The following TEKT4 variants were observed in gnomAD, a reference collection of about 807,000 sequenced individuals.
TEKT4 encodes tektin 4, also known as tektin-4.
Under a neutral mutation model 46.0 loss-of-function variants are expected in TEKT4, and 46 were observed. The observed-to-expected ratio is 1.00, with a 90% CI of 0.79 to 1.28. The LOEUF is 1.28. Among genes scored for constraint, TEKT4 ranks in the 50% most tolerant of loss-of-function variants. The pLI is 0.00. For synonymous variants in TEKT4, 325 were observed against 265.8 expected, an observed-to-expected ratio of 1.22 and a Z score of -2.17; for missense variants, 790 against 622.9, an observed-to-expected ratio of 1.27 and a Z score of -2.85.
At chr2:94,875,798 G>T in intron 5 of TEKT4, 56 bp downstream of exon 5, 1 of 1,565,598 alleles carries the variant, frequency 6.4e-7, no homozygotes, top group East Asian at 2.3e-5. Flanking sequence ...TCCTCCCTGT[G>T]ACTCTCTCCA....
chr2:94,872,246 G>T, intron 1 of TEKT4, 169 bp downstream of exon 1: 1 of 855,368 alleles, frequency 1.2e-6, no homozygotes, highest in Non-Finnish European at 1.8e-6. Flanking sequence ...ACAGGAGGCA[G>T]CTTTGCCCCA....
chr2:94,875,440 G>A, intron 4 of TEKT4, 148 bp from the exon 5 acceptor site: 2 of 1,229,020 alleles, frequency 1.6e-6, no homozygotes, highest in Non-Finnish European at 2.3e-6. Context: ...CGTGCACATT[G>A]TTCCCCTCAT....
chr2:94,876,780 G>A lies in TEKT4; in HGVS notation c.*11G>A, dbSNP rs368905332. On this transcript the variant is annotated 3_prime_UTR_variant, in exon 6 of 6. Coordinates refer to ENST00000295201, the MANE Select transcript of TEKT4 (RefSeq NM_144705.4). ...GCTGGCTACCAGTGAGCAGCGGCAC[G>A]GTGCTTCCCCCCAGTCCCCCAAATA... is the stretch of plus-strand genomic sequence containing the variant. 319 of 1,601,930 alleles carry A rather than the reference G, an allele frequency of 2.0e-4. No homozygotes were observed. The highest frequency in any genetic ancestry group is 1.6e-3 in the African/African-American group (123 of 74,964).
At chr2:94,873,938 T>C (rs111761130) in intron 2 of TEKT4, 27 bp from the exon 3 acceptor site, 1 of 1,597,412 alleles carries the variant, frequency 6.3e-7, no homozygotes, top group Non-Finnish European at 8.5e-7. Flanking sequence ...TGGGCACACA[T>C]CAAGGCCCTG....
intron 3 of TEKT4, among the ~76,000 whole-genome samples, chr2:94,874,318 C>A (rs1274210714): frequency 2.0e-5 from 3 of 152,202 alleles, no homozygotes; most frequent in African/African-American, 7.2e-5. Context: ...GCAGACAGGA[C>A]AGAGTAGGGT....
chr2:94,875,940 G>A (rs1481808703), intron 5 of TEKT4, among the ~76,000 whole-genome samples, 198 bp downstream of exon 5: 2 of 152,208 alleles, frequency 1.3e-5, no homozygotes, highest in Non-Finnish European at 2.9e-5. Context: ...CAGGTCATGG[G>A]TCGGGGGGCT....
intron 1 of TEKT4, chr2:94,872,434 C>G (rs1573180905): frequency 5.1e-6 from 2 of 390,864 alleles, no homozygotes; most frequent in East Asian, 1.1e-4. Flanking sequence ...GCCAGCACTG[C>G]AGGTGTGGAC....
chr2:94,874,120 C>G lies in TEKT4; in HGVS notation c.713+12C>G. The G allele has an allele frequency of 6.2e-7, 1 of 1,612,642 alleles. No homozygotes were observed. The highest frequency in any genetic ancestry group is 2.2e-5 in the East Asian group (1 of 44,860). On this transcript the variant is annotated intron_variant, in intron 3 of 5. Transcript: ENST00000295201. ...ACCTTCCAAGAGAGGTGGGCCCCAGCTCTGCCCCTGCACTTGCCCTGGCTG... is the reference window on the plus strand; with the variant it reads ...ACCTTCCAAGAGAGGTGGGCCCCAGGTCTGCCCCTGCACTTGCCCTGGCTG...
intron 3 of TEKT4, 107 bp downstream of exon 3, chr2:94,874,215 C>A (rs1278016727): frequency 2.4e-6 from 3 of 1,252,606 alleles, no homozygotes; most frequent in Non-Finnish European, 2.2e-6. Context: ...GAGGCCCTCG[C>A]CCCCGAGGGC....
chr2:94,874,776 C>G lies in TEKT4; in HGVS notation c.714C>G (p.Ser238Arg). The change falls in exon 4 of 6, where the codon AGC (serine) becomes AGG (arginine). Residue 238 changes from serine to arginine, a missense_variant and splice_region_variant. Physicochemically the swap from Ser to Arg is moderately radical, Grantham distance 110. Transcript: ENST00000295201. ...AHPYSTTFQE[S>R]ASTPETRAKF... Reference sequence around the variant, plus strand: ...CTCCTGGCTGTCCCCCGCCCCGCAGCGCCTCCACCCCGGAGACCCGGGCCA... The same window carrying G: ...CTCCTGGCTGTCCCCCGCCCCGCAGGGCCTCCACCCCGGAGACCCGGGCCA... The G allele has an allele frequency of 6.4e-7, 1 of 1,570,102 alleles. No individual in the cohort carries two copies. Among genetic ancestry groups the G allele is most frequent in the Non-Finnish European group, 8.6e-7 (1 of 1,160,762 alleles).
intron 1 of TEKT4, 104 bp downstream of exon 1, chr2:94,872,181 G>A: frequency 7.1e-7 from 1 of 1,408,560 alleles, no homozygotes; most frequent in South Asian, 1.4e-5. Flanking sequence ...AAGCACGCGG[G>A]AGCCCAGCCC....
chr2:94,872,643 T>C (rs113096832), intron 1 of TEKT4: 1 of 384,660 alleles, frequency 2.6e-6, no homozygotes, highest in South Asian at 2.1e-5. Context: ...TGGAGAATTC[T>C]CTGACCTCTC....
rs782567698 is a variant in TEKT4, at chr2:94,874,996, A to C, written c.934A>C (p.Lys312Gln). ...GTACAAGCTGCATCACCACCTGCAC[A>C]AGGTGGGGCACCCTGAACCCCGAAG... Reference protein sequence around the residue: ...ARYKLHHHLHKTLREITDQEH... With the variant: ...ARYKLHHHLHQTLREITDQEH... Residue 312 changes from lysine to glutamine, a missense_variant and splice_region_variant, in exon 4 of 6, where the codon AAG becomes CAG. Lys to Gln is a moderately conservative substitution (Grantham distance 53). Coordinates refer to ENST00000295201, the MANE Select transcript of TEKT4 (RefSeq NM_144705.4). The C allele has an allele frequency of 6.3e-7, 1 of 1,598,978 alleles. No individual in the cohort carries two copies. The highest frequency in any genetic ancestry group is 2.3e-5 in the East Asian group (1 of 44,278).
chr2:94,874,796 G>C lies in TEKT4; in HGVS notation c.734G>C (p.Arg245Pro). 2 of 1,590,756 alleles carry C rather than the reference G, an allele frequency of 1.3e-6. No individual in the cohort carries two copies. Among genetic ancestry groups the C allele is most frequent in the South Asian group, 1.1e-5 (1 of 88,084 alleles). Reference sequence around the variant, plus strand: ...CGCAGCGCCTCCACCCCGGAGACCCGGGCCAAGTTCACGCAGGACAATCTG... The same window carrying C: ...CGCAGCGCCTCCACCCCGGAGACCCCGGCCAAGTTCACGCAGGACAATCTG... Reference protein sequence around the residue: ...FQESASTPETRAKFTQDNLCR... With the variant: ...FQESASTPETPAKFTQDNLCR... Residue 245 changes from arginine to proline, a missense_variant, in exon 4 of 6, where the codon CGG (arginine) becomes CCG (proline). Transcript: ENST00000295201.
intron 1 of TEKT4, 113 bp from the exon 2 acceptor site, chr2:94,873,407 C>T (rs1221751616): frequency 3.4e-5 from 54 of 1,569,956 alleles, no homozygotes; most frequent in South Asian, 6.0e-5. Flanking sequence ...AGCTCAGGCC[C>T]GGCATTCAAC....
rs782293197 is a variant in TEKT4 at position 94,871,909 on chromosome 2, G to T, written c.330G>T (p.Glu110Asp). ...AGTCGGAGCTGCAGCGTGAGATGGAGGCGCTGGCTGCGGAGACCAACTTGC... is the reference window on the plus strand; with the variant it reads ...AGTCGGAGCTGCAGCGTGAGATGGATGCGCTGGCTGCGGAGACCAACTTGC... ...SWKSELQREM[E>D]ALAAETNLLL... Residue 110 changes from glutamate (E) to aspartate (D), a missense_variant, in exon 1 of 6, where the codon GAG becomes GAT. Glu to Asp is a conservative substitution (Grantham distance 45, BLOSUM62 2). Transcript: ENST00000295201. 1 of 1,597,944 alleles carries T rather than the reference G, an allele frequency of 6.3e-7. No individual in the cohort carries two copies. The highest frequency in any genetic ancestry group is 1.7e-5 in the Admixed American group (1 of 59,128).
Position 94,875,626 on chromosome 2 carries a change from G to A in TEKT4, c.975G>A (p.Ala325=), listed in dbSNP as rs536981297. ...TCACAGATCAGGAACACAACGTGGC[G>A]GCACTGAAGCAGGCCATCAAGGACA... ...REITDQEHNV[A]ALKQAIKDKE... is the part of the protein sequence containing the mutation. Residue 325 remains alanine, a synonymous_variant, in exon 5 of 6, where the codon GCG becomes GCA. Transcript: ENST00000295201. The A allele has an allele frequency of 4.7e-5, 76 of 1,614,136 alleles. No individual in the cohort carries two copies. The highest frequency in any genetic ancestry group is 1.7e-4 in the Middle Eastern group (1 of 6,052).
In TEKT4 at chr2:94,874,006, C is replaced by T. The variant is rs1553395545; in HGVS notation, c.611C>T (p.Ser204Leu). The part of the protein sequence containing the change: ...EHKETCEMDW[S>L]DKMEAYNIDE... ...AAGGAGACCTGCGAGATGGACTGGT[C>T]AGACAAGATGGAGGCCTACAACATC... The change falls in exon 3 of 6, where the codon TCA (serine) becomes TTA (leucine). Residue 204 changes from serine (S) to leucine (L), a missense_variant. Transcript: ENST00000295201. The T allele has an allele frequency of 6.2e-7, 1 of 1,613,482 alleles. No homozygotes were observed. Among genetic ancestry groups the T allele is most frequent in the African/African-American group, 1.3e-5 (1 of 74,952 alleles).
chr2:94,872,689 T>C (rs1220795944), intron 1 of TEKT4: 7 of 600,900 alleles, frequency 1.2e-5, no homozygotes, highest in Non-Finnish European at 1.8e-5. Flanking sequence ...ACTACAGGCC[T>C]GTAGACATTC....
Sources: allele counts gnomAD v4.1 joint callset (sites outside exome capture counted in the v4.1 genomes callset), GRCh38; gene constraint gnomAD v4.1.1; transcripts MANE v1.5; gene names NCBI Gene and HGNC (gene_info 2026-07-23, HGNC 2026-07-21).